Variants in SEMA3D observed in about 807,000 individuals in gnomAD.
The protein encoded by SEMA3D is semaphorin-3D.
In SEMA3D, 84 loss-of-function variants were observed where a neutral mutation model predicts 100.1. The observed-to-expected ratio is 0.84, with a 90% CI of 0.70 to 1.01. SEMA3D has a LOEUF of 1.01. Ranked by LOEUF, SEMA3D falls within the 50% of genes least tolerant of loss-of-function variation. The probability of loss-of-function intolerance (pLI) is 0.00; values close to 1 mark genes in which losing one functional copy is unlikely to be tolerated. For synonymous variants in SEMA3D, 312 were observed against 320.7 expected (o/e 0.97, Z 0.29); for missense variants, 875 against 934.1 (o/e 0.94, Z 0.82).
rs145086263 is a variant in SEMA3D at position 85,150,020 on chromosome 7, A to G, written c.-41+3588T>C. Among the ~76,000 whole-genome samples, 448 of 152,174 alleles carry G rather than the reference A, an allele frequency of 2.9e-3. 1 individual carries two copies. Among genetic ancestry groups the G allele is most frequent in the African/African-American group, 0.01 (423 of 41,532 alleles). On this transcript the variant is annotated intron_variant, in intron 2 of 18. Transcript: ENST00000284136. The stretch of plus-strand genomic sequence containing the variant: ...CAAGTATCCCCAAAAGTCCTCATGG[A>G]ACAGGTACTAAGGATCTCAGTGTTC...
chr7:85,139,953 C>T (rs575570255), intron 2 of SEMA3D: 1 of 188,894 alleles, frequency 5.3e-6, no homozygotes, highest in South Asian at 1.8e-4. Context: ...TTTTACCTCC[C>T]TGAGTAGAGG....
intron 6 of SEMA3D, among the ~76,000 whole-genome samples, chr7:85,068,793 G>T (rs570835433): frequency 1.3e-5 from 2 of 151,944 alleles, no homozygotes; most frequent in Non-Finnish European, 2.9e-5. Context: ...GTTCTAAGGC[G>T]GGCAGTTCAT....
At chr7:85,113,014 A>G (rs951729860) in intron 3 of SEMA3D, among the ~76,000 whole-genome samples, 8 of 152,166 alleles carry the variant, frequency 5.3e-5, no homozygotes, top group African/African-American at 1.9e-4. Context: ...GAGTTTTCCA[A>G]ACAAATAACA....
intron 12 of SEMA3D, among the ~76,000 whole-genome samples, chr7:85,036,131 A>G (rs1790686042): frequency 1.3e-5 from 2 of 152,100 alleles, no homozygotes; most frequent in African/African-American, 4.8e-5. Flanking sequence ...AATGAAAAAA[A>G]AATTTTTTTC....
chr7:85,066,929 G>C (rs1051555997), intron 7 of SEMA3D, among the ~76,000 whole-genome samples: 1 of 140,868 alleles, frequency 7.1e-6, no homozygotes, highest in African/African-American at 3.2e-5. Flanking sequence ...GAGAGAGAGA[G>C]AGAGAGAGAG....
At chr7:85,195,234 G>A in the SEMA3D span, among the ~76,000 whole-genome samples, 1 of 151,960 alleles carries the variant, frequency 6.6e-6, no homozygotes, top group African/African-American at 2.4e-5. Flanking sequence ...TTAAACACTA[G>A]GTTCCTTTGG....
chr7:85,132,002 C>G (rs1789737324), intron 2 of SEMA3D, among the ~76,000 whole-genome samples: 1 of 151,778 alleles, frequency 6.6e-6, no homozygotes, highest in Non-Finnish European at 1.5e-5. Context: ...CATTTTTGAA[C>G]ATATGTCTGA....
At chr7:85,066,273 A>G (rs1791617020) in intron 7 of SEMA3D, among the ~76,000 whole-genome samples, 1 of 152,026 alleles carries the variant, frequency 6.6e-6, no homozygotes, top group South Asian at 2.1e-4. Context: ...GAGAAGAACA[A>G]AGAAGACAGG....
chr7:85,148,297 A>G (rs1238914832), intron 2 of SEMA3D, among the ~76,000 whole-genome samples: 4 of 152,018 alleles, frequency 2.6e-5, no homozygotes, highest in African/African-American at 9.7e-5. Context: ...AACAACTTAT[A>G]TTTTTTACTA....
At chr7:85,153,192 G>A (rs73379845) in intron 2 of SEMA3D, among the ~76,000 whole-genome samples, 6,669 of 152,030 alleles carry the variant, frequency 0.044, 466 homozygotes, top group African/African-American at 0.15. Flanking sequence ...GTATCTGTTT[G>A]TTTGAAAAAA....
chr7:85,157,366 G>T (rs1367472394), intron 1 of SEMA3D, among the ~76,000 whole-genome samples: 2 of 152,084 alleles, frequency 1.3e-5, no homozygotes, highest in Non-Finnish European at 2.9e-5. Context: ...TTAACCAAAA[G>T]ATTTTTGTTT....
chr7:85,142,488 C>T (rs763472660), intron 2 of SEMA3D: 3 of 982,060 alleles, frequency 3.1e-6, no homozygotes, highest in African/African-American at 1.8e-5. Flanking sequence ...ATCTAGCTCA[C>T]GGTTGTCCTA....
At chr7:85,114,244 G>C (rs528798850) in intron 3 of SEMA3D, among the ~76,000 whole-genome samples, 165 of 152,250 alleles carry the variant, frequency 1.1e-3, no homozygotes, top group Non-Finnish European at 2.2e-3. Flanking sequence ...TTCAGGAAAA[G>C]AGTTTTAAAA....
chr7:85,096,240 G>A (rs1415778611), intron 4 of SEMA3D, among the ~76,000 whole-genome samples: 3 of 151,682 alleles, frequency 2.0e-5, no homozygotes, highest in East Asian at 1.9e-4. Flanking sequence ...CAATTGGCTC[G>A]TACTAGGAGT....
At chr7:85,232,813 T>C in the SEMA3D span, among the ~76,000 whole-genome samples, 1 of 152,176 alleles carries the variant, frequency 6.6e-6, no homozygotes, top group Non-Finnish European at 1.5e-5. Flanking sequence ...AACAAGCAAG[T>C]AAACTAGCTC....
chr7:85,055,887 TA>T (rs1791303865), intron 8 of SEMA3D, 28 bp from the exon 9 acceptor site: 1 of 1,342,884 alleles, frequency 7.4e-7, no homozygotes, highest in African/African-American at 1.5e-5. Flanking sequence ...AGCTATAAAT[TA>T]AGATACTGAA....
At chr7:85,084,104 G>A (rs1788147598) in intron 4 of SEMA3D, among the ~76,000 whole-genome samples, 1 of 151,282 alleles carries the variant, frequency 6.6e-6, no homozygotes, top group African/African-American at 2.4e-5. Flanking sequence ...AGGAGATCGC[G>A]CCACTGCACC....
At chr7:85,192,170 AC>A in the SEMA3D span, among the ~76,000 whole-genome samples, 1 of 152,074 alleles carries the variant, frequency 6.6e-6, no homozygotes, top group African/African-American at 2.4e-5. Context: ...TTATAATATT[AC>A]AAAAAATGCC....
chr7:85,020,033 C>T lies in SEMA3D; in HGVS notation c.1503+200G>A, dbSNP rs909174858. Among the ~76,000 whole-genome samples the T allele has an allele frequency of 2.0e-5, 3 of 151,588 alleles. No individual in the cohort carries two copies. The South Asian group carries it at 6.2e-4, about 31-fold the overall frequency. ...GCAATCCCGGGAGCCCTGAATTCAG[C>T]GGTATTCTACAGAGGAAGGTGAGTC... On this transcript the variant is annotated intron_variant, in intron 14 of 18. Transcript: ENST00000284136.
Sources: allele counts gnomAD v4.1 joint callset (sites outside exome capture counted in the v4.1 genomes callset), GRCh38; gene constraint gnomAD v4.1.1; transcripts MANE v1.5; gene names NCBI Gene and HGNC (gene_info 2026-07-23, HGNC 2026-07-21).